Variants in GOLGA1 observed in about 807,000 individuals in gnomAD.
The protein encoded by GOLGA1 is golgin subfamily A member 1.
Under a neutral mutation model 119.7 loss-of-function variants are expected in GOLGA1, and 63 were observed. That is an observed-to-expected ratio of 0.53 (90% CI 0.43 to 0.65). GOLGA1 has a LOEUF of 0.65. Among genes scored for constraint, GOLGA1 ranks in the 30% least tolerant of loss-of-function variants. GOLGA1 has a pLI of 0.00. For synonymous variants in GOLGA1, 318 were observed against 333.4 expected (o/e 0.95, Z 0.50); for missense variants, 798 against 912.8 (o/e 0.87, Z 1.62).
At chr9:124,901,108 A>G (rs1297092208) in intron 12 of GOLGA1, among the ~76,000 whole-genome samples, 3 of 150,904 alleles carry the variant, frequency 2.0e-5, no homozygotes, top group African/African-American at 4.9e-5. Context: ...AGTAGCTGGG[A>G]CTACAGGTGC....
chr9:124,890,553 G>A lies in GOLGA1; in HGVS notation c.1408-75C>T, dbSNP rs949496793. On this transcript the variant is annotated intron_variant, in intron 15 of 22. Coordinates refer to ENST00000373555, the MANE Select transcript of GOLGA1 (RefSeq NM_002077.4). ...AGCTGTATGCCACGCAAGAAGCCCA[G>A]CAGACAGGGCATGGCTTTGCAGAGC... 10 of 1,088,624 alleles carry A rather than the reference G, an allele frequency of 9.2e-6. No homozygotes were observed. In the African/African-American group the frequency reaches 1.2e-4, roughly 13 times the overall value. The allele number at this position is 1,088,624 out of a possible 1,614,324, so 67.4% of individuals were successfully genotyped here.
intron 10 of GOLGA1, among the ~76,000 whole-genome samples, chr9:124,916,878 A>ACAC (rs1491399256): frequency 1.4e-4 from 14 of 99,614 alleles, no homozygotes; most frequent in Non-Finnish European, 1.8e-4. Flanking sequence ...CCTGACACAC[A>ACAC]AAAAAAAAAA....
At chr9:124,916,887 A>C (rs1588084148) in intron 10 of GOLGA1, among the ~76,000 whole-genome samples, 2 of 149,986 alleles carry the variant, frequency 1.3e-5, no homozygotes, top group African/African-American at 4.9e-5. Context: ...CAAAAAAAAA[A>C]AAAAAAAAAA....
At chr9:124,934,357 A>G (rs1401864133) in intron 3 of GOLGA1, among the ~76,000 whole-genome samples, 1 of 152,158 alleles carries the variant, frequency 6.6e-6, no homozygotes, top group Non-Finnish European at 1.5e-5. Context: ...GGAGGGGTAA[A>G]GGGTAGGGGG....
intron 6 of GOLGA1, among the ~76,000 whole-genome samples, chr9:124,927,938 T>A (rs1334060898): frequency 6.6e-6 from 1 of 152,174 alleles, no homozygotes; most frequent in African/African-American, 2.4e-5. Context: ...ATACACTATT[T>A]CCCTTCTCAA....
In GOLGA1 at chr9:124,889,671, G is replaced by C. The variant is rs555530316; in HGVS notation, c.1498-135C>G. 453 of 710,696 alleles carry C rather than the reference G, an allele frequency of 6.4e-4. 1 individual carries two copies. Among genetic ancestry groups the C allele is most frequent in the Middle Eastern group, 3.8e-3 (10 of 2,660 alleles). The allele number at this position is 710,696 out of a possible 1,614,324, so 44.0% of individuals were successfully genotyped here. The stretch of plus-strand genomic sequence containing the variant: ...GTCCACGACCCAGAGCAAACCCCCA[G>C]CTAAGCTCTGCTCCTATGAACATGC... On this transcript the variant is annotated intron_variant, in intron 16 of 22. Coordinates refer to ENST00000373555, the MANE Select transcript of GOLGA1 (RefSeq NM_002077.4).
At chr9:124,904,596 G>A (rs1241333507) in intron 12 of GOLGA1, among the ~76,000 whole-genome samples, 1 of 152,116 alleles carries the variant, frequency 6.6e-6, no homozygotes, top group African/African-American at 2.4e-5. Flanking sequence ...ATCACTTGAG[G>A]TCAGGAGTTT....
chr9:124,921,566 T>C lies in GOLGA1; in HGVS notation c.731+157A>G, dbSNP rs112347463. ...AGGGGAAAATGGGTTGGAGGTAGGG[T>C]GAGGCCTGAGTCCTAGGCAGGTAAG... On this transcript the variant is annotated intron_variant, in intron 9 of 22. Transcript: ENST00000373555. The C allele has an allele frequency of 1.5e-4, 101 of 689,740 alleles. 1 individual carries two copies. The East Asian group carries it at 2.5e-3, about 17-fold the overall frequency. 42.7% of individuals were successfully genotyped at this position (689,740 alleles called of 1,614,324 possible).
chr9:124,880,323 T>C lies in GOLGA1; in HGVS notation c.*207A>G. On this transcript the variant is annotated 3_prime_UTR_variant, in exon 23 of 23. Transcript: ENST00000373555. ...TCTGGGTAGTGCCAGGACCCTCCTGTTTGGTGACCAGAATGACAGGATCAG... is the reference window on the plus strand; with the variant it reads ...TCTGGGTAGTGCCAGGACCCTCCTGCTTGGTGACCAGAATGACAGGATCAG... 1 of 450,270 alleles carries C rather than the reference T, an allele frequency of 2.2e-6. No individual in the cohort carries two copies. Among genetic ancestry groups the C allele is most frequent in the Admixed American group, 3.4e-5 (1 of 29,574 alleles). The allele number at this position is 450,270 out of a possible 1,614,324, so 27.9% of individuals were successfully genotyped here.
At chr9:124,882,373 G>T in intron 20 of GOLGA1, 137 bp downstream of exon 20, 1 of 666,104 alleles carries the variant, frequency 1.5e-6, no homozygotes, top group South Asian at 1.7e-5. Context: ...AGCTAACGTT[G>T]GATTGCCCAG....
chr9:124,899,009 A>C (rs1264971461), intron 14 of GOLGA1, among the ~76,000 whole-genome samples: 1 of 152,060 alleles, frequency 6.6e-6, no homozygotes, highest in Non-Finnish European at 1.5e-5. Flanking sequence ...CAGCCTGGGC[A>C]ACACAGTGAG....
In GOLGA1 at chr9:124,896,308, G is replaced by A. The variant is rs111931046; in HGVS notation, c.1407+2241C>T. Among the ~76,000 whole-genome samples the A allele has an allele frequency of 3.0e-4, 45 of 152,300 alleles. 1 individual carries two copies. The highest frequency in any genetic ancestry group is 1.0e-3 in the African/African-American group (42 of 41,564). ...ACGTGCCTGTAGTCCCAGCTACTTG[G>A]GAGGTGGGGCATGAGAACTGCTTGA... On this transcript the variant is annotated intron_variant, in intron 15 of 22. Transcript: ENST00000373555.
intron 22 of GOLGA1, 105 bp from the exon 23 acceptor site, chr9:124,880,715 C>T (rs537669568): frequency 7.5e-5 from 55 of 729,026 alleles, no homozygotes; most frequent in South Asian, 7.3e-4. Flanking sequence ...CTGCCCCCCA[C>T]ACATCCTGCC....
In GOLGA1 at chr9:124,889,311, G is replaced by A. The variant is rs769773978; in HGVS notation, c.1601-8C>T. On this transcript the variant is annotated splice_region_variant and splice_polypyrimidine_tract_variant and intron_variant, in intron 17 of 22. Transcript: ENST00000373555. ...GCAGGGCAGAGTTGTGACCTAGGTCGGGGAGGAGGGGAGGGGGCACTGTGA... is the reference window on the plus strand; with the variant it reads ...GCAGGGCAGAGTTGTGACCTAGGTCAGGGAGGAGGGGAGGGGGCACTGTGA... 2.4e-5 allele frequency: 39 copies of A among 1,611,976 alleles called. No individual in the cohort carries two copies. The highest frequency in any genetic ancestry group is 3.0e-5 in the Non-Finnish European group (35 of 1,178,784).
chr9:124,916,912 A>G (rs961628625), intron 10 of GOLGA1, among the ~76,000 whole-genome samples: 21 of 150,676 alleles, frequency 1.4e-4, no homozygotes, highest in African/African-American at 5.1e-4. Context: ...ACGAAAACAA[A>G]AAAAAAACCC....
At chr9:124,945,899 C>T (rs1317338728), upstream of GOLGA1, 1 of 152,012 alleles carries the variant, frequency 6.6e-6, no homozygotes, top group African/African-American at 2.4e-5. Flanking sequence ...CCAGGAAAGA[C>T]TGAGAGGTAC....
At position 124,889,529 on chromosome 9, in the gene GOLGA1, T is replaced by A. The variant is rs755238565; in HGVS notation, c.1505A>T (p.Asn502Ile). 22 of 1,609,864 alleles carry A rather than the reference T, an allele frequency of 1.4e-5. No individual in the cohort carries two copies. The highest frequency in any genetic ancestry group is 1.9e-5 in the Non-Finnish European group (22 of 1,176,092). The change falls in exon 17 of 23, where the codon AAC becomes ATC. Residue 502 changes from asparagine to isoleucine, a missense_variant. Coordinates refer to ENST00000373555, the MANE Select transcript of GOLGA1 (RefSeq NM_002077.4). ...CTTCTCGTCTATTATGGCTGTCAGG[T>A]TAGCTGCCTTGGAGAGAAAAATCAA... ...QREEFQQQAA[N>I]LTAIIDEKEQ...
Position 124,898,551 on chromosome 9 carries a change from T to C in GOLGA1, c.1405A>G (p.Lys469Glu). 6.5e-7 allele frequency: 1 copy of C among 1,532,598 alleles called. No individual in the cohort carries two copies. Among genetic ancestry groups the C allele is most frequent in the Non-Finnish European group, 9.0e-7 (1 of 1,107,312 alleles). 94.9% of individuals were successfully genotyped at this position (1,532,598 alleles called of 1,614,324 possible). A position where few individuals can be genotyped will look rare whatever the true frequency, so the allele number is the denominator to read the frequency against. Residue 469 changes from lysine (K) to glutamate (E), a missense_variant and splice_region_variant, in exon 15 of 23, where the codon AAG (lysine) becomes GAG (glutamate). Lys to Glu is a moderately conservative substitution (Grantham distance 56, BLOSUM62 1). Coordinates refer to ENST00000373555, the MANE Select transcript of GOLGA1 (RefSeq NM_002077.4). ...CTTTGATTCAATTAGATAAATACCT[T>C]CAGCTTCTTTAGTTCAAATTGGTGA... ...QNHQFELKKL[K>E]EEWSQREIVS...
intron 12 of GOLGA1, among the ~76,000 whole-genome samples, chr9:124,907,174 G>C (rs1830250959): frequency 6.6e-6 from 1 of 152,198 alleles, no homozygotes; most frequent in African/African-American, 2.4e-5. Context: ...CCAATGGACA[G>C]AGAATGCAGA....
Sources: allele counts gnomAD v4.1 joint callset (sites outside exome capture counted in the v4.1 genomes callset), GRCh38; gene constraint gnomAD v4.1.1; transcripts MANE v1.5; gene names NCBI Gene and HGNC (gene_info 2026-07-23, HGNC 2026-07-21).